Variants in FAM13C observed in about 807,000 individuals in gnomAD.
FAM13C encodes protein FAM13C.
In FAM13C, 37 loss-of-function variants were observed where a neutral mutation model predicts 73.2. The observed-to-expected ratio is 0.51, with a 90% CI of 0.39 to 0.67. The LOEUF is 0.67. Among genes scored for constraint, FAM13C ranks in the 30% least tolerant of loss-of-function variants. The probability of loss-of-function intolerance (pLI) is 0.00; values close to 1 mark genes in which losing one functional copy is unlikely to be tolerated. For missense variants in FAM13C, 589 were observed against 715.6 expected, an observed-to-expected ratio of 0.82 and a Z score of 2.02; for synonymous variants, 246 against 260.9, an observed-to-expected ratio of 0.94 and a Z score of 0.55.
At chr10:59,264,051 T>A (rs755346765) in intron 9 of FAM13C, 34 bp downstream of exon 9, 54 of 1,586,170 alleles carry the variant, frequency 3.4e-5, no homozygotes, top group Non-Finnish European at 4.4e-5. Flanking sequence ...ACTGCTTCCT[T>A]TGTGAGGAAA....
intron 1 of FAM13C, among the ~76,000 whole-genome samples, chr10:59,361,635 ACAGT>A (rs1856434624): frequency 6.6e-6 from 1 of 152,136 alleles, no homozygotes; most frequent in African/African-American, 2.4e-5. Context: ...TAAATTACAT[ACAGT>A]ATTAGCAAAA....
At chr10:59,293,311 C>T (rs962294110) in intron 5 of FAM13C, among the ~76,000 whole-genome samples, 4 of 152,068 alleles carry the variant, frequency 2.6e-5, no homozygotes, top group South Asian at 2.1e-4. Context: ...CTCCTGACCT[C>T]GTGATCCACC....
intron 3 of FAM13C, among the ~76,000 whole-genome samples, chr10:59,330,485 T>C (rs778232567): frequency 6.6e-6 from 1 of 152,120 alleles, no homozygotes; most frequent in Non-Finnish European, 1.5e-5. Flanking sequence ...TTTTCACTAG[T>C]ATTTGTTTTT....
chr10:59,294,990 C>T (rs1846725839), intron 5 of FAM13C, among the ~76,000 whole-genome samples: 1 of 152,206 alleles, frequency 6.6e-6, no homozygotes, highest in Non-Finnish European at 1.5e-5. Context: ...CTCCTAGATC[C>T]TAAGTGGGAA....
intron 4 of FAM13C, among the ~76,000 whole-genome samples, chr10:59,311,720 G>A (rs1391035154): frequency 6.6e-6 from 1 of 152,194 alleles, no homozygotes; most frequent in Non-Finnish European, 1.5e-5. Context: ...GCAGCCCGCA[G>A]CCGGAAGAGA....
chr10:59,268,952 G>A (rs1843389103), intron 7 of FAM13C, among the ~76,000 whole-genome samples: 2 of 152,168 alleles, frequency 1.3e-5, no homozygotes, highest in African/African-American at 4.8e-5. Context: ...AAGCTTAGAG[G>A]AGGCCAATTT....
In FAM13C at chr10:59,362,411, G is replaced by C; in HGVS notation, c.50C>G (p.Thr17Ser). Residue 17 changes from threonine to serine, a missense_variant, in exon 1 of 14, where the codon ACC (threonine) becomes AGC (serine). Thr to Ser is a moderately conservative substitution (Grantham distance 58). Coordinates refer to ENST00000618804, the MANE Select transcript of FAM13C (RefSeq NM_198215.4). The stretch of plus-strand genomic sequence containing the variant: ...AAGAATCACTTACTCTGTTACAGTG[G>C]TGCTGCTGAAGGAATTATCCTGAAG... ...FSLQDNSFSSTTVTECDEDPV... is the reference protein window; with the variant it reads ...FSLQDNSFSSSTVTECDEDPV... 2 of 1,614,042 alleles carry C rather than the reference G, an allele frequency of 1.2e-6. No individual in the cohort carries two copies. Among genetic ancestry groups the C allele is most frequent in the African/African-American group, 2.7e-5 (2 of 75,062 alleles).
intron 3 of FAM13C, among the ~76,000 whole-genome samples, chr10:59,352,047 T>C (rs866079332): frequency 1.2e-4 from 19 of 152,056 alleles, no homozygotes; most frequent in South Asian, 6.2e-4. Context: ...AAGTCCAATA[T>C]TTAAGAACAC....
chr10:59,279,689 A>G (rs184494241), intron 6 of FAM13C, among the ~76,000 whole-genome samples: 138 of 152,336 alleles, frequency 9.1e-4, no homozygotes, highest in African/African-American at 3.2e-3. Context: ...TTTCCGTTCA[A>G]TCACATCAGA....
intron 3 of FAM13C, among the ~76,000 whole-genome samples, chr10:59,348,209 T>C (rs755773909): frequency 5.3e-5 from 8 of 152,202 alleles, no homozygotes; most frequent in Non-Finnish European, 1.2e-4. Flanking sequence ...ATAAGTGATT[T>C]TGGGGAATGA....
chr10:59,303,539 G>A (rs1484560719), intron 4 of FAM13C, among the ~76,000 whole-genome samples: 1 of 152,128 alleles, frequency 6.6e-6, no homozygotes, highest in Non-Finnish European at 1.5e-5. Flanking sequence ...GACAGCTTAT[G>A]GAAATTTCAT....
At chr10:59,344,441 GCTGAT>G (rs1391305372) in intron 3 of FAM13C, among the ~76,000 whole-genome samples, 4 of 97,234 alleles carry the variant, frequency 4.1e-5, no homozygotes, top group Non-Finnish European at 9.1e-5. Context: ...ACCACGCACG[GCTGAT>G]TTTTTTTTTT....
intron 9 of FAM13C, 27 bp from the exon 10 acceptor site, chr10:59,262,672 A>C (rs781421231): frequency 6.3e-7 from 1 of 1,584,972 alleles, no homozygotes; most frequent in Non-Finnish European, 8.6e-7. Flanking sequence ...GAGTTATCAT[A>C]AGCAAAGAGA....
chr10:59,250,897 T>C (rs1378179755), intron 13 of FAM13C, among the ~76,000 whole-genome samples: 1 of 152,178 alleles, frequency 6.6e-6, no homozygotes, highest in Non-Finnish European at 1.5e-5. Flanking sequence ...AAATGGGAAC[T>C]GAGGTTCAAG....
intron 2 of FAM13C, 87 bp from the exon 3 acceptor site, chr10:59,352,561 C>T (rs765319615): frequency 4.7e-5 from 65 of 1,368,584 alleles, no homozygotes; most frequent in East Asian, 2.8e-4. Context: ...ATATTCATTG[C>T]TGCTATATTT....
chr10:59,303,831 T>C (rs951822352), intron 4 of FAM13C, among the ~76,000 whole-genome samples: 4 of 152,216 alleles, frequency 2.6e-5, no homozygotes, highest in Non-Finnish European at 5.9e-5. Context: ...CATTTGTTTG[T>C]TGGCTCCATG....
chr10:59,336,947 T>C (rs1852800169), intron 3 of FAM13C, among the ~76,000 whole-genome samples: 1 of 152,162 alleles, frequency 6.6e-6, no homozygotes, highest in Non-Finnish European at 1.5e-5. Flanking sequence ...GATGACAAAT[T>C]AGGTGGCAGC....
At chr10:59,326,020 T>C (rs750052421) in intron 3 of FAM13C, among the ~76,000 whole-genome samples, 1 of 152,134 alleles carries the variant, frequency 6.6e-6, no homozygotes, top group Non-Finnish European at 1.5e-5. Flanking sequence ...AACCTTATCC[T>C]TTTAGGAAAG....
At chr10:59,338,087 A>G (rs1175020988) in intron 3 of FAM13C, among the ~76,000 whole-genome samples, 1 of 152,194 alleles carries the variant, frequency 6.6e-6, no homozygotes, top group Non-Finnish European at 1.5e-5. Flanking sequence ...TGTACTATGT[A>G]TTACAGTAGA....
Sources: gnomAD v4.1 joint callset for allele counts (sites outside exome capture counted in the v4.1 genomes callset) on GRCh38, gnomAD v4.1.1 for gene constraint, MANE v1.5 for transcripts, NCBI Gene and HGNC (gene_info 2026-07-23, HGNC 2026-07-21) for gene names.